Variants in TESMIN observed in about 807,000 individuals in gnomAD.
TESMIN encodes CXC domain containing 2.
A neutral mutation model predicts 47.4 loss-of-function variants in TESMIN; 34 were observed. The ratio of observed to expected loss-of-function variants is 0.72; its 90% CI spans 0.55 to 0.96. The LOEUF is 0.96. Among genes scored for constraint, TESMIN ranks in the 40% least tolerant of loss-of-function variants. The pLI is 0.00. For missense variants in TESMIN, 610 were observed against 637.2 expected, an observed-to-expected ratio of 0.96 and a Z score of 0.46; for synonymous variants, 278 against 258.9, an observed-to-expected ratio of 1.07 and a Z score of -0.71.
intron 3 of TESMIN, among the ~76,000 whole-genome samples, chr11:68,746,940 C>T (rs555233674): frequency 1.2e-4 from 18 of 152,296 alleles, no homozygotes; most frequent in African/African-American, 4.3e-4. Flanking sequence ...CAGCACTGCA[C>T]TAACTGATGT....
chr11:68,749,113 G>A (rs1481330490), intron 2 of TESMIN, among the ~76,000 whole-genome samples: 1 of 152,248 alleles, frequency 6.6e-6, no homozygotes, highest in Non-Finnish European at 1.5e-5. Flanking sequence ...ATCCGGCTGG[G>A]CAGCAAAATG....
In TESMIN at chr11:68,738,722, G is replaced by A; in HGVS notation, c.895C>T (p.Pro299Ser). Residue 299 changes from proline (P) to serine (S), a missense_variant, in exon 6 of 10, where the codon CCA becomes TCA. Coordinates refer to ENST00000255087, the MANE Select transcript of TESMIN (RefSeq NM_004923.3). ...AFPSGSTLPG[P>S]PKITLAGYCD... ...TACCCAGCCAAAGTTATTTTTGGTGGTCCTGGAAGAGTTGATCCCGAGGGG... is the reference window on the plus strand; with the variant it reads ...TACCCAGCCAAAGTTATTTTTGGTGATCCTGGAAGAGTTGATCCCGAGGGG... 1.2e-6 allele frequency: 2 copies of A among 1,614,020 alleles called. No individual in the cohort carries two copies. The highest frequency in any genetic ancestry group is 1.7e-6 in the Non-Finnish European group (2 of 1,179,968).
At chr11:68,728,911 T>C (rs1008143294) in intron 6 of TESMIN, among the ~76,000 whole-genome samples, 1 of 152,154 alleles carries the variant, frequency 6.6e-6, no homozygotes, top group Admixed American at 6.5e-5. Flanking sequence ...CCTTTCAAAA[T>C]ATTACTGCTC....
At chr11:68,731,925 T>G (rs1321289846) in intron 6 of TESMIN, among the ~76,000 whole-genome samples, 1 of 152,222 alleles carries the variant, frequency 6.6e-6, no homozygotes, top group African/African-American at 2.4e-5. Flanking sequence ...CAGAATGCCA[T>G]GCGTCAATTC....
chr11:68,708,562 T>C, intron 9 of TESMIN, 62 bp from the exon 10 acceptor site: 1 of 1,371,314 alleles, frequency 7.3e-7, no homozygotes, highest in Middle Eastern at 2.3e-4. Context: ...TACAGTACTA[T>C]TTATATTCAA....
chr11:68,742,327 A>G lies in TESMIN; in HGVS notation c.819T>C (p.Ile273=). ...TAAAACAATGACTCACTTGTTGTGT[A>G]ATGAGATTTAATTTTGTTGATGCTG... is the stretch of plus-strand genomic sequence containing the variant. ...FLPASTKLNL[I]TQQLEGALPS... The change falls in exon 5 of 10, where the codon ATT becomes ATC. Residue 273 remains isoleucine, a synonymous_variant. Transcript: ENST00000255087. The G allele has an allele frequency of 1.3e-6, 2 of 1,587,644 alleles. No homozygotes were observed. The highest frequency in any genetic ancestry group is 3.4e-4 in the Middle Eastern group (2 of 5,858).
At chr11:68,747,611 C>T (rs1946538502) in intron 2 of TESMIN, among the ~76,000 whole-genome samples, 1 of 152,196 alleles carries the variant, frequency 6.6e-6, no homozygotes, top group Non-Finnish European at 1.5e-5. Flanking sequence ...CCCCATCACA[C>T]ATTCTTCCAG....
intron 7 of TESMIN, among the ~76,000 whole-genome samples, chr11:68,714,413 T>C (rs1303237111): frequency 1.3e-5 from 2 of 152,340 alleles, no homozygotes; most frequent in East Asian, 3.9e-4. Context: ...AAGGTCAAGT[T>C]AGAGGACAGG....
downstream of TESMIN, among the ~76,000 whole-genome samples, chr11:68,706,892 C>A (rs1046843470): frequency 6.6e-6 from 1 of 152,210 alleles, no homozygotes; most frequent in Non-Finnish European, 1.5e-5. Context: ...GCAGCCCCCC[C>A]AGAGGCAGCT....
chr11:68,713,234 GT>G (rs772796662), intron 8 of TESMIN, 35 bp downstream of exon 8: 9 of 1,580,842 alleles, frequency 5.7e-6, no homozygotes, highest in Admixed American at 1.8e-5. Flanking sequence ...ATTTACCTGT[GT>G]TTTTTGTTAG....
intron 4 of TESMIN, 48 bp from the exon 5 acceptor site, chr11:68,742,442 T>A: frequency 1.6e-6 from 2 of 1,233,262 alleles, no homozygotes; most frequent in Non-Finnish European, 2.3e-6. Context: ...ATCGTTCCTC[T>A]TCCACTTACA....
intron 7 of TESMIN, among the ~76,000 whole-genome samples, chr11:68,715,142 C>T (rs576096308): frequency 6.6e-5 from 10 of 152,320 alleles, no homozygotes; most frequent in African/African-American, 2.4e-4. Flanking sequence ...CTCAGGTCTA[C>T]AGTCAATGGC....
chr11:68,750,371 T>C lies in TESMIN; in HGVS notation c.290A>G (p.Tyr97Cys). The change falls in exon 2 of 10, where the codon TAC becomes TGC. Residue 97 changes from tyrosine to cysteine, a missense_variant. Physicochemically the swap from Tyr to Cys is radical, Grantham distance 194. Coordinates refer to ENST00000255087, the MANE Select transcript of TESMIN (RefSeq NM_004923.3). ...DSDGGELLGE[Y>C]PGIPELSALE... ...CGCGCTGAGCTCTGGGATCCCGGGG[T>C]ACTCCCCGAGGAGCTCCCCGCCGTC... The C allele has an allele frequency of 2.7e-6, 4 of 1,509,106 alleles. No homozygotes were observed. The highest frequency in any genetic ancestry group is 3.6e-6 in the Non-Finnish European group (4 of 1,126,416). The allele number at this position is 1,509,106 out of a possible 1,614,324, so 93.5% of individuals were successfully genotyped here.
At chr11:68,705,354 C>A (rs542338359), downstream of TESMIN, among the ~76,000 whole-genome samples, 1 of 152,076 alleles carries the variant, frequency 6.6e-6, no homozygotes, top group Non-Finnish European at 1.5e-5. Flanking sequence ...GGTTTGAAAC[C>A]GCGCCCACAC....
intron 6 of TESMIN, among the ~76,000 whole-genome samples, chr11:68,726,520 A>T (rs1946266368): frequency 6.6e-6 from 1 of 152,228 alleles, no homozygotes; most frequent in South Asian, 2.1e-4. Context: ...AAGGAGAAAA[A>T]TTCAAGAGAT....
At position 68,710,855 on chromosome 11, in the gene TESMIN, G is replaced by A; in HGVS notation, c.1334+19C>T. Reference sequence around the variant, plus strand: ...ACCTCTGTTCCCTCTATTAGCAGAGGTTAGTTCAAAGTACCTACCTATCGT... The same window carrying A: ...ACCTCTGTTCCCTCTATTAGCAGAGATTAGTTCAAAGTACCTACCTATCGT... On this transcript the variant is annotated intron_variant, in intron 9 of 9. Transcript: ENST00000255087. 6.3e-7 allele frequency: 1 copy of A among 1,595,582 alleles called. No homozygotes were observed. Among genetic ancestry groups the A allele is most frequent in the South Asian group, 1.1e-5 (1 of 87,770 alleles).
intron 3 of TESMIN, among the ~76,000 whole-genome samples, chr11:68,746,393 T>C (rs1280004991): frequency 5.3e-5 from 8 of 152,064 alleles, no homozygotes; most frequent in African/African-American, 1.7e-4. Context: ...CAGCCCCAAA[T>C]AGAACCACCG....
chr11:68,735,155 C>T (rs1312494993), intron 6 of TESMIN, among the ~76,000 whole-genome samples: 1 of 152,128 alleles, frequency 6.6e-6, no homozygotes, highest in Non-Finnish European at 1.5e-5. Context: ...GCTTTTTGCC[C>T]TCATGGGTGC....
At position 68,740,985 on chromosome 11, in the gene TESMIN, C is replaced by T. The variant is rs191877044; in HGVS notation, c.828+1333G>A. On this transcript the variant is annotated intron_variant, in intron 5 of 9. Coordinates refer to ENST00000255087, the MANE Select transcript of TESMIN (RefSeq NM_004923.3). ...AATCATCCAGGCTGAAAACCTTGGG[C>T]GCATCCTTGACTCCTCTCTTTCTCT... Among the ~76,000 whole-genome samples the T allele has an allele frequency of 2.6e-5, 4 of 152,232 alleles. No homozygotes were observed. In the East Asian group the frequency reaches 5.8e-4, roughly 22 times the overall value.
Sources: allele counts gnomAD v4.1 joint callset (sites outside exome capture counted in the v4.1 genomes callset), GRCh38; gene constraint gnomAD v4.1.1; transcripts MANE v1.5; gene names NCBI Gene and HGNC (gene_info 2026-07-23, HGNC 2026-07-21).